The following EXT2 variants were observed in gnomAD, a reference collection of about 807,000 sequenced individuals.
The protein encoded by EXT2 is exostosin glycosyltransferase 2.
A neutral mutation model predicts 81.6 loss-of-function variants in EXT2; 53 were observed. That is an observed-to-expected ratio of 0.65 (90% CI 0.52 to 0.82). The LOEUF (loss-of-function observed/expected upper bound fraction) is 0.82, where lower values mean the gene tolerates loss of function less well. Ranked by LOEUF, EXT2 falls within the 40% of genes least tolerant of loss-of-function variation. EXT2 has a pLI of 0.00. For missense variants in EXT2, 774 were observed against 910.2 expected, an observed-to-expected ratio of 0.85 and a Z score of 1.93; for synonymous variants, 320 against 340.0, an observed-to-expected ratio of 0.94 and a Z score of 0.65.
chr11:44,197,883 C>T lies in EXT2; in HGVS notation c.1360C>T (p.Gln454Ter). 6.2e-7 allele frequency: 1 copy of T among 1,614,124 alleles called. No individual in the cohort carries two copies. The highest frequency in any genetic ancestry group is 8.5e-7 in the Non-Finnish European group (1 of 1,179,982). Residue 454 changes from glutamine to a stop codon, truncating the protein, a stop_gained, in exon 9 of 14, where the codon CAA becomes TAA. Transcript: ENST00000533608. LOFTEE classifies it high-confidence loss of function. ...LFLPLIPPQS[Q>*]GFTAIVLTYD... ...CCTCCCGCTGATCCCACCACAGTCTCAAGGGTTCACCGCCATAGTCCTCAC... is the reference window on the plus strand; with the variant it reads ...CCTCCCGCTGATCCCACCACAGTCTTAAGGGTTCACCGCCATAGTCCTCAC...
At chr11:44,151,365 T>G (rs1954789187) in intron 7 of EXT2, among the ~76,000 whole-genome samples, 1 of 152,324 alleles carries the variant, frequency 6.6e-6, no homozygotes, top group South Asian at 2.1e-4. Context: ...AAAAATCCTC[T>G]GTGCTCTGCC....
At chr11:44,187,504 C>G (rs757889568) in intron 8 of EXT2, among the ~76,000 whole-genome samples, 12 of 152,182 alleles carry the variant, frequency 7.9e-5, no homozygotes, top group Non-Finnish European at 1.8e-4. Context: ...AATGAGGATA[C>G]TTATTTCAGA....
intron 4 of EXT2, among the ~76,000 whole-genome samples, chr11:44,121,255 G>A (rs1439040999): frequency 2.0e-5 from 3 of 152,198 alleles, no homozygotes; most frequent in East Asian, 1.9e-4. Context: ...GTAACTGAAT[G>A]TCTAAAATAG....
chr11:44,159,694 C>A (rs1176221224), intron 7 of EXT2, among the ~76,000 whole-genome samples: 1 of 152,092 alleles, frequency 6.6e-6, no homozygotes, highest in Non-Finnish European at 1.5e-5. Context: ...TTTCAATATG[C>A]CTTGTAATTT....
intron 7 of EXT2, among the ~76,000 whole-genome samples, chr11:44,131,538 G>C (rs542024538): frequency 4.3e-4 from 65 of 152,274 alleles, no homozygotes; most frequent in African/African-American, 1.5e-3. Flanking sequence ...TAGCTTCCCT[G>C]CAGTTTATTT....
chr11:44,137,875 G>A (rs1453433943), intron 7 of EXT2, among the ~76,000 whole-genome samples: 2 of 152,170 alleles, frequency 1.3e-5, no homozygotes, highest in African/African-American at 2.4e-5. Flanking sequence ...TTTAAAAAGG[G>A]TGGGCACAGA....
chr11:44,198,162 C>T (rs1955481011), intron 9 of EXT2, 144 bp downstream of exon 9: 1 of 859,524 alleles, frequency 1.2e-6, no homozygotes, highest in African/African-American at 1.7e-5. Flanking sequence ...TCAGTCATCT[C>T]ATTCTTGTTC....
At chr11:44,223,931 G>T (rs575867877) in intron 10 of EXT2, among the ~76,000 whole-genome samples, 1 of 152,276 alleles carries the variant, frequency 6.6e-6, no homozygotes, top group African/African-American at 2.4e-5. Flanking sequence ...GATTACATGA[G>T]TGAGCCACTG....
chr11:44,235,927 G>A (rs1041715206), intron 12 of EXT2, among the ~76,000 whole-genome samples: 2 of 152,198 alleles, frequency 1.3e-5, no homozygotes, highest in African/African-American at 2.4e-5. Flanking sequence ...CTAAGGTTAC[G>A]GTGAAAGTTA....
At chr11:44,130,379 C>A (rs149801372) in intron 7 of EXT2, among the ~76,000 whole-genome samples, 1 of 152,326 alleles carries the variant, frequency 6.6e-6, no homozygotes, top group African/African-American at 2.4e-5. Flanking sequence ...CTTACCATAG[C>A]AGATGCAAAG....
chr11:44,120,559 C>G (rs140087065), intron 4 of EXT2, among the ~76,000 whole-genome samples: 1 of 152,250 alleles, frequency 6.6e-6, no homozygotes, highest in Non-Finnish European at 1.5e-5. Context: ...TCAGACTCAT[C>G]ATCCTGCCAG....
intron 4 of EXT2, among the ~76,000 whole-genome samples, chr11:44,115,515 A>C (rs747732227): frequency 2.6e-5 from 4 of 152,114 alleles, no homozygotes; most frequent in African/African-American, 4.8e-5. Flanking sequence ...TCCTGGTGAG[A>C]ATCTCAGTGA....
chr11:44,141,359 G>A (rs1298518740), intron 7 of EXT2, among the ~76,000 whole-genome samples: 1 of 152,048 alleles, frequency 6.6e-6, no homozygotes, highest in Non-Finnish European at 1.5e-5. Context: ...CATGGATGTG[G>A]AACCACAGAT....
intron 1 of EXT2, among the ~76,000 whole-genome samples, chr11:44,105,033 T>C (rs1329834181): frequency 6.6e-6 from 1 of 152,220 alleles, no homozygotes; most frequent in African/African-American, 2.4e-5. Context: ...GAGATATGAC[T>C]TGAAATGATT....
intron 9 of EXT2, among the ~76,000 whole-genome samples, chr11:44,204,501 G>A (rs1215581202): frequency 4.6e-5 from 7 of 152,146 alleles, no homozygotes. Context: ...GGTAGGTAGG[G>A]CTATAACCTC....
chr11:44,177,210 G>GAACCTTTATAATAAA (rs1267047776), intron 8 of EXT2, among the ~76,000 whole-genome samples: 1 of 152,184 alleles, frequency 6.6e-6, no homozygotes, highest in African/African-American at 2.4e-5. Flanking sequence ...CTTTATTAGG[G>GAACCTTTATAATAAA]GAAGTGTGCA....
At chr11:44,107,539 G>A in intron 1 of EXT2, 144 bp from the exon 2 acceptor site, 3 of 742,404 alleles carry the variant, frequency 4.0e-6, no homozygotes, top group Non-Finnish European at 6.4e-6. Context: ...AGCTGAGATT[G>A]CACCACTGCA....
intron 4 of EXT2, chr11:44,116,516 C>G (rs1954222682): frequency 1.3e-5 from 2 of 152,212 alleles, no homozygotes; most frequent in Admixed American, 1.3e-4. Flanking sequence ...TTTCAGTTCT[C>G]TTGACCTAGG....
chr11:44,153,114 C>T (rs1040010822), intron 7 of EXT2, among the ~76,000 whole-genome samples: 12 of 152,062 alleles, frequency 7.9e-5, no homozygotes, highest in African/African-American at 1.9e-4. Context: ...TGGGAAGAAC[C>T]GACATCTTGA....
Sources: gnomAD v4.1 joint callset for allele counts (sites outside exome capture counted in the v4.1 genomes callset) on GRCh38, gnomAD v4.1.1 for gene constraint, MANE v1.5 for transcripts, NCBI Gene and HGNC (gene_info 2026-07-23, HGNC 2026-07-21) for gene names.